The following CFAP69 variants were observed in gnomAD, a reference collection of about 807,000 sequenced individuals.
CFAP69 encodes the protein cilia- and flagella-associated protein 69.
CFAP69 carries 92 observed loss-of-function variants against 123.0 expected under a neutral mutation model. The observed-to-expected ratio is 0.75, with a 90% confidence interval of 0.63 to 0.89. The LOEUF (loss-of-function observed/expected upper bound fraction) is 0.89, where lower values mean the gene tolerates loss of function less well. Among genes scored for constraint, CFAP69 ranks in the 40% least tolerant of loss-of-function variants. CFAP69 has a pLI of 0.00. For missense variants in CFAP69, 1,067 were observed against 1,096.9 expected (o/e 0.97, Z 0.39); for synonymous variants, 380 against 364.3 (o/e 1.04, Z -0.49).
rs1278502056 is a variant in CFAP69, at chr7:90,274,023, A to G, written c.897A>G (p.Arg299=). The change falls in exon 9 of 23, where the codon AGA becomes AGG. Residue 299 remains arginine (R), a synonymous_variant. Transcript: ENST00000389297. ...AAGTATTTAAAAATCTGTTTATGAG[A>G]GGTTTCAGTCATTATGACCGTCAGC... ...LKEVFKNLFM[R]GFSHYDRQLR... is the part of the protein sequence containing the mutation. 1.2e-6 allele frequency: 2 copies of G among 1,604,408 alleles called. No individual in the cohort carries two copies. The highest frequency in any genetic ancestry group is 1.7e-6 in the Non-Finnish European group (2 of 1,176,396).
chr7:90,267,376 C>T (rs771916906), intron 5 of CFAP69, among the ~76,000 whole-genome samples: 3 of 152,034 alleles, frequency 2.0e-5, no homozygotes, highest in Non-Finnish European at 4.4e-5. Flanking sequence ...AGAGTCCAAC[C>T]AGTTCTAGTT....
chr7:90,319,098 G>T, the CFAP69 span: 1 of 304,202 alleles, frequency 3.3e-6, no homozygotes. Context: ...ACTATTCATG[G>T]GCAAACAAGG....
In CFAP69 at chr7:90,279,860, G is replaced by C; in HGVS notation, c.1339G>C (p.Val447Leu). The change falls in exon 12 of 23, where the codon GTC (valine) becomes CTC (leucine). Residue 447 changes from valine (V) to leucine (L), a missense_variant. Transcript: ENST00000389297. ...CATGTCATGCCAGGGAAATGCTCGA[G>C]TCCTTGCATTTCTAGAATGGTGTGA... ...EYMSCQGNARVLAFLEWCESE... is the reference protein window; with the variant it reads ...EYMSCQGNARLLAFLEWCESE... The C allele has an allele frequency of 6.2e-7, 1 of 1,608,218 alleles. No homozygotes were observed. Among genetic ancestry groups the C allele is most frequent in the South Asian group, 1.1e-5 (1 of 89,680 alleles).
intron 6 of CFAP69, among the ~76,000 whole-genome samples, chr7:90,269,402 T>A (rs1435385802): frequency 6.6e-6 from 1 of 152,098 alleles, no homozygotes; most frequent in Non-Finnish European, 1.5e-5. Flanking sequence ...GTGTCCATAT[T>A]GAGGTTTGGA....
At chr7:90,280,213 G>T (rs1789265785) in intron 12 of CFAP69, among the ~76,000 whole-genome samples, 1 of 149,696 alleles carries the variant, frequency 6.7e-6, no homozygotes, top group Admixed American at 6.7e-5. Context: ...TTGTTTGTTT[G>T]TTGAGACAGG....
chr7:90,246,807 C>A (rs1266171149), intron 1 of CFAP69, among the ~76,000 whole-genome samples: 2 of 149,492 alleles, frequency 1.3e-5, no homozygotes, highest in Non-Finnish European at 2.9e-5. Flanking sequence ...ACAAGGCAAG[C>A]AAGCGTGGAT....
intron 14 of CFAP69, chr7:90,287,471 C>G: frequency 1.0e-6 from 1 of 985,236 alleles, no homozygotes; most frequent in South Asian, 4.7e-5. Context: ...AAATTTAGAA[C>G]GAGATCTTAA....
chr7:90,279,413 C>T (rs1307537496), intron 11 of CFAP69, among the ~76,000 whole-genome samples: 1 of 152,006 alleles, frequency 6.6e-6, no homozygotes, highest in Non-Finnish European at 1.5e-5. Context: ...GCAGGAACTA[C>T]ATTACATATA....
intron 1 of CFAP69, among the ~76,000 whole-genome samples, chr7:90,249,111 A>G (rs949027347): frequency 1.3e-5 from 2 of 152,144 alleles, no homozygotes; most frequent in Non-Finnish European, 2.9e-5. Context: ...CTCATCTCGA[A>G]TTGTAATCCC....
At chr7:90,318,284 T>TA in the CFAP69 span, 1 of 152,270 alleles carries the variant, frequency 6.6e-6, no homozygotes, top group East Asian at 1.9e-4. Flanking sequence ...ATAGGCAATA[T>TA]AAAAAATAAC....
the CFAP69 span, chr7:90,319,591 G>A: frequency 2.5e-6 from 1 of 398,560 alleles, no homozygotes; most frequent in Non-Finnish European, 4.4e-6. Context: ...CAATGTCAAA[G>A]AGCAAGCTTT....
intron 19 of CFAP69, among the ~76,000 whole-genome samples, chr7:90,305,766 TATG>T (rs1793495236): frequency 6.6e-6 from 1 of 151,764 alleles, no homozygotes; most frequent in Non-Finnish European, 1.5e-5. Flanking sequence ...TACTTTATAT[TATG>T]ATCCAATCTT....
At chr7:90,308,657 C>G (rs920035678) in intron 21 of CFAP69, among the ~76,000 whole-genome samples, 2 of 152,130 alleles carry the variant, frequency 1.3e-5, no homozygotes, top group Non-Finnish European at 2.9e-5. Flanking sequence ...TCCCTGTTCA[C>G]TGAAAGTTCT....
chr7:90,280,097 G>A (rs1423801039), intron 12 of CFAP69, among the ~76,000 whole-genome samples: 6 of 152,142 alleles, frequency 3.9e-5, no homozygotes, highest in Admixed American at 3.9e-4. Flanking sequence ...CATAGTTGAT[G>A]CACACCCGAA....
At chr7:90,319,685 C>A in the CFAP69 span, 2 of 398,402 alleles carry the variant, frequency 5.0e-6, no homozygotes, top group African/African-American at 4.1e-5. Flanking sequence ...TCAGCATTAA[C>A]CAGATTGATC....
downstream of CFAP69, among the ~76,000 whole-genome samples, chr7:90,314,278 T>A (rs1345435677): frequency 6.6e-6 from 1 of 152,132 alleles, no homozygotes; most frequent in Non-Finnish European, 1.5e-5. Flanking sequence ...AATATTGTAT[T>A]GGTTTCAGTG....
At chr7:90,256,199 T>TA (rs1244623905) in intron 2 of CFAP69, among the ~76,000 whole-genome samples, 2 of 151,820 alleles carry the variant, frequency 1.3e-5, no homozygotes, top group African/African-American at 2.4e-5. Flanking sequence ...TATGCAGCCA[T>TA]AAAAAAGGAT....
chr7:90,299,875 A>G lies in CFAP69; in HGVS notation c.1866A>G (p.Gln622=). ...FLLLDLLALN[Q]KKFCNLILGI... is the part of the protein sequence containing the mutation. ...CTGTTTCCTTGCTAAAGTTGAACCAAAAAAAATTCTGTAATCTAATACTTG... is the reference window on the plus strand; with the variant it reads ...CTGTTTCCTTGCTAAAGTTGAACCAGAAAAAATTCTGTAATCTAATACTTG... Residue 622 remains glutamine, a synonymous_variant, in exon 17 of 23, where the codon CAA becomes CAG. Transcript: ENST00000389297. 1 of 1,600,362 alleles carries G rather than the reference A, an allele frequency of 6.2e-7. No homozygotes were observed.
At chr7:90,260,449 C>G (rs562247001) in intron 3 of CFAP69, among the ~76,000 whole-genome samples, 1 of 151,946 alleles carries the variant, frequency 6.6e-6, no homozygotes, top group Non-Finnish European at 1.5e-5. Context: ...TCGTTTGAGC[C>G]CAGAAATTCG....
Sources: allele counts gnomAD v4.1 joint callset (sites outside exome capture counted in the v4.1 genomes callset), GRCh38; gene constraint gnomAD v4.1.1; transcripts MANE v1.5; gene names NCBI Gene and HGNC (gene_info 2026-07-23, HGNC 2026-07-21).